The following ZFAND3 variants were observed in gnomAD, a reference collection of about 807,000 sequenced individuals.
ZFAND3 encodes zinc finger AN1-type containing 3, also known as AN1-type zinc finger protein 3.
A neutral mutation model predicts 29.6 loss-of-function variants in ZFAND3; 10 were observed. The observed-to-expected ratio is 0.34, with a 90% CI of 0.21 to 0.57. The LOEUF is 0.57. Ranked by LOEUF, ZFAND3 falls within the 20% of genes least tolerant of loss-of-function variation. The pLI is 0.86. For missense variants in ZFAND3, 230 were observed against 304.5 expected, an observed-to-expected ratio of 0.76 and a Z score of 1.82; for synonymous variants, 128 against 112.6, an observed-to-expected ratio of 1.14 and a Z score of -0.87.
At chr6:37,997,734 A>T (rs1561960664) in intron 2 of ZFAND3, among the ~76,000 whole-genome samples, 1 of 152,256 alleles carries the variant, frequency 6.6e-6, no homozygotes, top group African/African-American at 2.4e-5. Context: ...CCTAGTGTAT[A>T]CAGTGCCTGA....
intron 1 of ZFAND3, among the ~76,000 whole-genome samples, chr6:37,829,788 G>T (rs1763827547): frequency 6.6e-6 from 1 of 152,176 alleles, no homozygotes; most frequent in Non-Finnish European, 1.5e-5. Flanking sequence ...TTGTAAGGCT[G>T]ATGATCTTCT....
intron 2 of ZFAND3, among the ~76,000 whole-genome samples, chr6:37,998,410 T>G (rs1032290074): frequency 1.3e-5 from 2 of 152,042 alleles, no homozygotes; most frequent in Non-Finnish European, 2.9e-5. Context: ...ACAGAACTTT[T>G]GCAGCACAAA....
At chr6:37,995,193 T>C (rs932554229) in intron 2 of ZFAND3, among the ~76,000 whole-genome samples, 1 of 152,194 alleles carries the variant, frequency 6.6e-6, no homozygotes, top group Non-Finnish European at 1.5e-5. Context: ...TAACCCCATG[T>C]TTTTTTCTTC....
rs868162294 is a variant in ZFAND3 at position 38,048,620 on chromosome 6, T to C, written c.113-12973T>C. 4.1e-3 allele frequency among the ~76,000 whole-genome samples: 9 copies of C among 2,176 alleles called. 1 individual carries two copies. Among genetic ancestry groups the C allele is most frequent in the Non-Finnish European group, 8.3e-3 (9 of 1,086 alleles). The allele number at this position is 2,176 out of a possible 152,430, so 1.4% of individuals were successfully genotyped here. On this transcript the variant is annotated intron_variant, in intron 2 of 5. Coordinates refer to ENST00000287218, the MANE Select transcript of ZFAND3 (RefSeq NM_021943.3). ...CTGGGTGACAGAGTGAGACTCCGTCTCAAAAAAAAAAAAATTCAATGCCTG... is the reference window on the plus strand; with the variant it reads ...CTGGGTGACAGAGTGAGACTCCGTCCCAAAAAAAAAAAAATTCAATGCCTG...
chr6:37,848,033 T>C (rs1764213933), intron 1 of ZFAND3, among the ~76,000 whole-genome samples: 1 of 152,246 alleles, frequency 6.6e-6, no homozygotes, highest in African/African-American at 2.4e-5. Context: ...TAATTCTGCC[T>C]TGTGGAACCT....
chr6:37,919,810 TTTG>T (rs1761338617), intron 1 of ZFAND3, among the ~76,000 whole-genome samples: 1 of 152,204 alleles, frequency 6.6e-6, no homozygotes. Flanking sequence ...ATAAAACTAG[TTTG>T]TTGTTGTAAC....
At chr6:37,923,192 T>C (rs1265105628) in intron 1 of ZFAND3, among the ~76,000 whole-genome samples, 1 of 152,212 alleles carries the variant, frequency 6.6e-6, no homozygotes, top group Non-Finnish European at 1.5e-5. Flanking sequence ...GCTTAAGTGA[T>C]CCTTCCTTCT....
intron 1 of ZFAND3, among the ~76,000 whole-genome samples, chr6:37,881,992 C>A (rs901573191): frequency 1.3e-5 from 2 of 152,106 alleles, no homozygotes; most frequent in African/African-American, 4.8e-5. Context: ...CAATTTTGTT[C>A]TTTTCACTTC....
intron 1 of ZFAND3, among the ~76,000 whole-genome samples, chr6:37,820,604 C>G (rs768334361): frequency 2.0e-5 from 3 of 152,180 alleles, no homozygotes; most frequent in East Asian, 1.9e-4. Flanking sequence ...TTGTTGAGGT[C>G]TCACCTTCAT....
intron 1 of ZFAND3, among the ~76,000 whole-genome samples, chr6:37,888,644 T>TTATATAAACTAATTA (rs1765041534): frequency 6.6e-6 from 1 of 152,190 alleles, no homozygotes; most frequent in Non-Finnish European, 1.5e-5. Context: ...TTTATATTTT[T>TTATATAAACTAATTA]GTTTAATTTC....
At chr6:37,943,159 C>G (rs888566456) in intron 2 of ZFAND3, among the ~76,000 whole-genome samples, 2 of 152,050 alleles carry the variant, frequency 1.3e-5, no homozygotes, top group Non-Finnish European at 2.9e-5. Flanking sequence ...CTAAGTGAAA[C>G]TAAACATAGG....
At chr6:37,892,355 A>C (rs751580017) in intron 1 of ZFAND3, among the ~76,000 whole-genome samples, 23 of 152,202 alleles carry the variant, frequency 1.5e-4, no homozygotes, top group Non-Finnish European at 3.1e-4. Context: ...TACTTGGGAA[A>C]CTGAGGTGGA....
chr6:37,891,469 C>T (rs1043927934), intron 1 of ZFAND3, among the ~76,000 whole-genome samples: 4 of 146,058 alleles, frequency 2.7e-5, no homozygotes, highest in African/African-American at 1.0e-4. Context: ...CAGTGCATGC[C>T]ATGCCTGTAA....
intron 2 of ZFAND3, among the ~76,000 whole-genome samples, chr6:38,019,988 G>A (rs1055837423): frequency 7.9e-5 from 12 of 152,190 alleles, no homozygotes; most frequent in African/African-American, 1.2e-4. Context: ...CCAAAGTGCT[G>A]GGATTACAGG....
At chr6:37,979,643 C>A (rs2127431822) in intron 2 of ZFAND3, among the ~76,000 whole-genome samples, 1 of 152,276 alleles carries the variant, frequency 6.6e-6, no homozygotes, top group Non-Finnish European at 1.5e-5. Flanking sequence ...ATTCCTTGCC[C>A]TGTCTATGTG....
At chr6:37,970,089 T>C (rs1762359974) in intron 2 of ZFAND3, among the ~76,000 whole-genome samples, 1 of 151,890 alleles carries the variant, frequency 6.6e-6, no homozygotes, top group Non-Finnish European at 1.5e-5. Context: ...AATGGCACCA[T>C]TGCACTCCAG....
At position 37,861,924 on chromosome 6, in the gene ZFAND3, C is replaced by G. The variant is rs925255933; in HGVS notation, c.71+41908C>G. 6.6e-5 allele frequency among the ~76,000 whole-genome samples: 10 copies of G among 152,176 alleles called. No individual in the cohort carries two copies. In the East Asian group the frequency reaches 1.7e-3, roughly 26 times the overall value. ...AATATGTTGTATGTGTTTTGCTGCTCTGCATCATAAGCATTTTCTTATAAT... is the reference window on the plus strand; with the variant it reads ...AATATGTTGTATGTGTTTTGCTGCTGTGCATCATAAGCATTTTCTTATAAT... On this transcript the variant is annotated intron_variant, in intron 1 of 5. Coordinates refer to ENST00000287218, the MANE Select transcript of ZFAND3 (RefSeq NM_021943.3).
Position 38,082,013 on chromosome 6 carries a change from A to T in ZFAND3, c.296-379A>T, listed in dbSNP as rs144961080. On this transcript the variant is annotated intron_variant, in intron 3 of 5. Coordinates refer to ENST00000287218, the MANE Select transcript of ZFAND3 (RefSeq NM_021943.3). Reference sequence around the variant, plus strand: ...CTGCTGAGAAACCAACCTAAGAGAGAGTACTCTTGCTCATCGTTCTGTGGA... The same window carrying T: ...CTGCTGAGAAACCAACCTAAGAGAGTGTACTCTTGCTCATCGTTCTGTGGA... 5.8e-3 allele frequency among the ~76,000 whole-genome samples: 883 copies of T among 152,194 alleles called. 8 individuals are homozygous for T. The highest frequency in any genetic ancestry group is 0.019 in the African/African-American group (806 of 41,534).
At chr6:37,889,366 G>A (rs1178784482) in intron 1 of ZFAND3, among the ~76,000 whole-genome samples, 19 of 152,078 alleles carry the variant, frequency 1.2e-4, no homozygotes, top group Non-Finnish European at 1.5e-5. Flanking sequence ...ATCATCAATT[G>A]TGTGCCAAAA....
Sources: gnomAD v4.1 joint callset for allele counts (sites outside exome capture counted in the v4.1 genomes callset) on GRCh38, gnomAD v4.1.1 for gene constraint, MANE v1.5 for transcripts, NCBI Gene and HGNC (gene_info 2026-07-23, HGNC 2026-07-21) for gene names.